Variants in PPP1R1C observed in about 807,000 individuals in gnomAD.
PPP1R1C encodes the protein protein phosphatase 1 regulatory subunit 1C.
PPP1R1C carries 15 observed loss-of-function variants against 17.4 expected under a neutral mutation model. The ratio of observed to expected loss-of-function variants is 0.86; its 90% confidence interval spans 0.58 to 1.33. The LOEUF is 1.33. Ranked by LOEUF, PPP1R1C falls within the 40% of genes most tolerant of loss-of-function variation. The pLI, the probability that PPP1R1C is intolerant of heterozygous loss-of-function variation, is 0.00. For missense variants in PPP1R1C, 143 were observed against 130.0 expected, an observed-to-expected ratio of 1.10 and a Z score of -0.48; for synonymous variants, 35 against 43.1, an observed-to-expected ratio of 0.81 and a Z score of 0.73.
chr2:181,985,819 C>T (rs1262656743), upstream of PPP1R1C: 1 of 426,404 alleles, frequency 2.3e-6, no homozygotes, highest in East Asian at 3.9e-5. The surrounding 1 kb of genome is among the most constrained non-coding windows in gnomAD (Gnocchi z 4.1). Context: ...GAATGCTTGG[C>T]ATGTGTATTA....
downstream of PPP1R1C, chr2:182,130,913 C>G (rs1689992249): frequency 6.6e-6 from 1 of 151,986 alleles, no homozygotes. Context: ...CTGGACTTGC[C>G]TATGATAACA....
At chr2:182,065,415 T>C (rs80089502) in intron 4 of PPP1R1C, among the ~76,000 whole-genome samples, 10,286 of 152,240 alleles carry the variant, frequency 0.068, 523 homozygotes, top group Middle Eastern at 0.15. Flanking sequence ...ACATATGGCA[T>C]CTTGTGAGCA....
chr2:182,045,626 G>A (rs191171871), intron 2 of PPP1R1C, among the ~76,000 whole-genome samples: 309 of 152,112 alleles, frequency 2.0e-3, no homozygotes, highest in Middle Eastern at 3.5e-3. Context: ...CAGAGTTCTA[G>A]TTAAAGAGAA....
Position 181,961,580 on chromosome 2 carries a change from G to A in PPP1R1C, n.111+6946G>A, listed in dbSNP as rs1388197164. 14 of 747,856 alleles carry A rather than the reference G, an allele frequency of 1.9e-5. No homozygotes were observed. The highest frequency in any genetic ancestry group is 1.0e-4 in the African/African-American group (6 of 58,788). The allele number at this position is 747,856 out of a possible 1,614,324, so 46.3% of individuals were successfully genotyped here. A position where few individuals can be genotyped will look rare whatever the true frequency, so the allele number is the denominator to read the frequency against. On this transcript the variant is annotated intron_variant and non_coding_transcript_variant, in intron 1 of 5. Transcript: ENST00000464264. This position sits in a 1 kb window ranked among gnomAD's most constrained non-coding sequence, Gnocchi z 5.8. ...TCCATCTTTAAGGACTGGACTGTAC[G>A]TCTCAGCTCCGTGAGCGTCATCTCA...
At chr2:181,963,274 A>G (rs1227172834) in intron 1 of PPP1R1C, among the ~76,000 whole-genome samples, 1 of 152,248 alleles carries the variant, frequency 6.6e-6, no homozygotes, top group Admixed American at 6.5e-5. Context: ...TCTGAGTAGC[A>G]TGAATAGAAA....
At chr2:182,006,406 G>T (rs1023560001) in intron 2 of PPP1R1C, among the ~76,000 whole-genome samples, 1 of 152,180 alleles carries the variant, frequency 6.6e-6, no homozygotes, top group African/African-American at 2.4e-5. Context: ...AAGTTAATCG[G>T]ATCTGCATAT....
chr2:182,020,115 T>G (rs571212842), intron 2 of PPP1R1C, among the ~76,000 whole-genome samples: 48 of 152,336 alleles, frequency 3.2e-4, no homozygotes, highest in African/African-American at 1.1e-3. Context: ...TGCTGATGAC[T>G]GTAAAGATTT....
intron 4 of PPP1R1C, among the ~76,000 whole-genome samples, chr2:182,107,459 A>C (rs2125231924): frequency 6.6e-6 from 1 of 152,310 alleles, no homozygotes; most frequent in South Asian, 2.1e-4. Flanking sequence ...TATGAGAAAA[A>C]TGTTTATAAA....
At chr2:182,038,488 G>A (rs531998585) in intron 2 of PPP1R1C, among the ~76,000 whole-genome samples, 3 of 152,148 alleles carry the variant, frequency 2.0e-5, no homozygotes, top group African/African-American at 7.2e-5. Context: ...TAAGTGAAGT[G>A]TTGTTAATGC....
chr2:182,030,750 G>C (rs1686799833), intron 2 of PPP1R1C: 2 of 152,380 alleles, frequency 1.3e-5, no homozygotes, highest in Admixed American at 6.6e-5. Context: ...CACAGTTCGA[G>C]CTTCCCAGCT....
At position 182,061,435 on chromosome 2, in the gene PPP1R1C, C is replaced by T. The variant is rs575887391; in HGVS notation, c.143-7C>T. The T allele has an allele frequency of 1.4e-6, 2 of 1,463,544 alleles. No homozygotes were observed. The highest frequency in any genetic ancestry group is 1.5e-5 in the African/African-American group (1 of 67,518). The allele number at this position is 1,463,544 out of a possible 1,614,324, so 90.7% of individuals were successfully genotyped here. A position where few individuals can be genotyped will look rare whatever the true frequency, so the allele number is the denominator to read the frequency against. ...TGCCTAATACATTCTACCTACTTCT[C>T]TTACAGAAATAGATGACAAGAGGGG... On this transcript the variant is annotated splice_region_variant and splice_polypyrimidine_tract_variant and intron_variant, in intron 2 of 4. Coordinates refer to ENST00000682840, the MANE Select transcript of PPP1R1C (RefSeq NM_001080545.3).
intron 2 of PPP1R1C, among the ~76,000 whole-genome samples, chr2:182,044,495 C>G (rs1259510113): frequency 6.6e-6 from 1 of 152,166 alleles, no homozygotes; most frequent in East Asian, 1.9e-4. Context: ...TCCAGTCTTA[C>G]CCCACCCAAC....
At chr2:181,991,590 C>T (rs1340106961) in intron 2 of PPP1R1C, among the ~76,000 whole-genome samples, 1 of 152,108 alleles carries the variant, frequency 6.6e-6, no homozygotes, top group African/African-American at 2.4e-5. Context: ...TCTCAACAGT[C>T]AGGTGGCAGC....
chr2:181,958,042 G>A (rs995560394), intron 1 of PPP1R1C, among the ~76,000 whole-genome samples: 4 of 152,100 alleles, frequency 2.6e-5, no homozygotes, highest in African/African-American at 9.7e-5. Context: ...GTGATAACTG[G>A]GTTTCCAATA....
At chr2:182,027,001 GCT>G (rs1686637072) in intron 2 of PPP1R1C, among the ~76,000 whole-genome samples, 1 of 111,066 alleles carries the variant, frequency 9.0e-6, no homozygotes, top group Non-Finnish European at 1.8e-5. Context: ...TCATGATTTG[GCT>G]CTCTGTTTGT....
intron 2 of PPP1R1C, among the ~76,000 whole-genome samples, chr2:182,046,041 A>G (rs1384250745): frequency 2.0e-5 from 3 of 152,170 alleles, no homozygotes; most frequent in African/African-American, 7.2e-5. Context: ...CAAGCAAATT[A>G]ACAAACCAAG....
Position 181,967,442 on chromosome 2 carries a change from C to G in PPP1R1C, n.112-7777C>G, listed in dbSNP as rs920972540. On this transcript the variant is annotated intron_variant and non_coding_transcript_variant, in intron 1 of 5. Transcript: ENST00000464264. This position sits in a 1 kb window ranked among gnomAD's most constrained non-coding sequence, Gnocchi z 5.5. ...TGATGTGGGTGCTTATTGCTATAAA[C>G]TTTCTTCTTAGTACTGTTTTTGCTG... 1.3e-5 allele frequency among the ~76,000 whole-genome samples: 2 copies of G among 151,998 alleles called. No homozygotes were observed. Among genetic ancestry groups the G allele is most frequent in the Admixed American group, 1.3e-4 (2 of 15,268 alleles).
At chr2:181,974,740 C>A (rs1685066770) in intron 1 of PPP1R1C, among the ~76,000 whole-genome samples, 1 of 152,196 alleles carries the variant, frequency 6.6e-6, no homozygotes, top group Non-Finnish European at 1.5e-5. Flanking sequence ...CACCCTTTGC[C>A]TGAGAACTAT....
chr2:182,081,895 A>G (rs1688491102), intron 4 of PPP1R1C, among the ~76,000 whole-genome samples: 1 of 152,206 alleles, frequency 6.6e-6, no homozygotes, highest in Non-Finnish European at 1.5e-5. Flanking sequence ...AAAAAGTCAT[A>G]AATATCAGGG....
Sources: allele counts gnomAD v4.1 joint callset (sites outside exome capture counted in the v4.1 genomes callset), GRCh38; gene constraint gnomAD v4.1.1; non-coding constraint Gnocchi (gnomAD v3.1); transcripts MANE v1.5; gene names NCBI Gene and HGNC (gene_info 2026-07-23, HGNC 2026-07-21).